Variants in FBXL19 observed in about 807,000 individuals in gnomAD.
FBXL19 encodes the protein F-box/LRR-repeat protein 19.
Under a neutral mutation model 71.2 loss-of-function variants are expected in FBXL19, and 16 were observed. That is an observed-to-expected ratio of 0.22 (90% CI 0.15 to 0.34). FBXL19 has a LOEUF of 0.34. Among genes scored for constraint, FBXL19 ranks in the 10% least tolerant of loss-of-function variants. The probability of loss-of-function intolerance (pLI) is 1.00; values close to 1 mark genes in which losing one functional copy is unlikely to be tolerated. For missense variants in FBXL19, 658 were observed against 968.2 expected (o/e 0.68, Z 4.25); for synonymous variants, 447 against 409.4 (o/e 1.09, Z -1.11).
Position 30,948,041 on chromosome 16 carries a change from G to A in FBXL19, c.*811G>A. 1.4e-5 allele frequency: 4 copies of A among 284,150 alleles called. No homozygotes were observed. The highest frequency in any genetic ancestry group is 1.1e-4 in the South Asian group (4 of 35,864). 17.6% of individuals were successfully genotyped at this position (284,150 alleles called of 1,614,324 possible). A position where few individuals can be genotyped will look rare whatever the true frequency, so the allele number is the denominator to read the frequency against. On this transcript the variant is annotated 3_prime_UTR_variant, in exon 11 of 11. Transcript: ENST00000338343. ...CTGTACTGAAGTGTTACTTGAACCG[G>A]GGGAATCTCGGACCTGGGGGAGCCG... is the stretch of plus-strand genomic sequence containing the variant.
chr16:30,928,486 G>A lies in FBXL19; in HGVS notation c.647G>A (p.Arg216Lys). The A allele has an allele frequency of 6.3e-7, 1 of 1,592,702 alleles. No individual in the cohort carries two copies. Among genetic ancestry groups the A allele is most frequent in the Non-Finnish European group, 8.6e-7 (1 of 1,169,456 alleles). Reference protein sequence around the residue: ...PRKKVKGGRERHLKKVGGDAC... With the variant: ...PRKKVKGGREKHLKKVGGDAC... ...TGGTAGGTGAAAGGAGGCCGAGAGA[G>A]GCACCTGAAGAAGGTGGGTGGAGAC... The change falls in exon 6 of 11, where the codon AGG becomes AAG. Residue 216 changes from arginine to lysine, a missense_variant. By Grantham distance (26) the Arg-to-Lys change is conservative. Coordinates refer to ENST00000338343, the MANE Select transcript of FBXL19 (RefSeq NM_001382779.1).
In FBXL19 at chr16:30,930,016, G is replaced by C. The variant is rs561099680; in HGVS notation, c.790-57G>C. ...ATCCCCTGGTGACTCCTCGGGGTAG[G>C]GGGGTGGGAAAATGTATCCCAGGCC... On this transcript the variant is annotated intron_variant, in intron 6 of 10. Transcript: ENST00000338343. This position sits in a 1 kb window ranked among gnomAD's most constrained non-coding sequence, Gnocchi z 8.5. 389 of 1,562,974 alleles carry C rather than the reference G, an allele frequency of 2.5e-4. No homozygotes were observed. The highest frequency in any genetic ancestry group is 1.8e-3 in the African/African-American group (137 of 74,058).
rs2055885385 is a variant in FBXL19 at position 30,948,186 on chromosome 16, G to T, written c.*956G>T. 3 of 161,050 alleles carry T rather than the reference G, an allele frequency of 1.9e-5. No homozygotes were observed. In the South Asian group the frequency reaches 4.0e-4, roughly 22 times the overall value. The allele number at this position is 161,050 out of a possible 1,614,324, so 10.0% of individuals were successfully genotyped here. A position where few individuals can be genotyped will look rare whatever the true frequency, so the allele number is the denominator to read the frequency against. On this transcript the variant is annotated 3_prime_UTR_variant, in exon 11 of 11. Coordinates refer to ENST00000338343, the MANE Select transcript of FBXL19 (RefSeq NM_001382779.1). ...TTTACTGTATTGAGCGGCGGCACCC[G>T]CCGGACCCGCATTATGGCTGGGGGC...
At chr16:30,924,638 G>T in intron 1 of FBXL19, 179 bp downstream of exon 1, 1 of 1,388,792 alleles carries the variant, frequency 7.2e-7, no homozygotes, top group Non-Finnish European at 9.3e-7. Flanking sequence ...CTCCTTCCTA[G>T]ACCCTGCTTC....
rs1183430210 is a variant in FBXL19 at position 30,927,846 on chromosome 16, G to C, written c.510G>C (p.Pro170=). 1 of 1,542,336 alleles carries C rather than the reference G, an allele frequency of 6.5e-7. No individual in the cohort carries two copies. The highest frequency in any genetic ancestry group is 2.4e-5 in the East Asian group (1 of 40,822). Residue 170 remains proline (P), a synonymous_variant, in exon 5 of 11, where the codon CCG becomes CCC. Coordinates refer to ENST00000338343, the MANE Select transcript of FBXL19 (RefSeq NM_001382779.1). ...TGACAGAGGAGCCACCGCTTCCACC[G>C]CCCCCGCCCAGGCGCAAGGGCCCCC... The part of the protein sequence containing the change: ...WKLTEEPPLP[P]PPPRRKGPLP...
intron 5 of FBXL19, among the ~76,000 whole-genome samples, 192 bp from the exon 6 acceptor site, chr16:30,928,275 G>A (rs1328520078): frequency 6.6e-6 from 1 of 152,056 alleles, no homozygotes; most frequent in Admixed American, 6.5e-5. Flanking sequence ...GGCCTGAGGG[G>A]AGGAAAGAGG....
chr16:30,928,515 T>C lies in FBXL19; in HGVS notation c.676T>C (p.Cys226Arg), dbSNP rs2055630492. The C allele has an allele frequency of 4.4e-6, 7 of 1,607,100 alleles. No homozygotes were observed. Among genetic ancestry groups the C allele is most frequent in the Non-Finnish European group, 5.9e-6 (7 of 1,176,490 alleles). ...RHLKKVGGDA[C>R]LLRGSDPGGP... ...CCTGAAGAAGGTGGGTGGAGACGCC[T>C]GCCTCCTCCGAGGATCGGACCCAGG... Residue 226 changes from cysteine (C) to arginine (R), a missense_variant, in exon 6 of 11, where the codon TGC (cysteine) becomes CGC (arginine). Coordinates refer to ENST00000338343, the MANE Select transcript of FBXL19 (RefSeq NM_001382779.1).
rs761889632 is a variant in FBXL19, at chr16:30,942,354, C to T, written c.1466-21C>T. 8.1e-6 allele frequency: 13 copies of T among 1,606,754 alleles called. No individual in the cohort carries two copies. The highest frequency in any genetic ancestry group is 6.7e-5 in the African/African-American group (5 of 74,810). Reference sequence around the variant, plus strand: ...ATGGAGTCCTCACAGCACCTGCTTCCTGACTGCCCCCTCTCCGCAGGCCTG... The same window carrying T: ...ATGGAGTCCTCACAGCACCTGCTTCTTGACTGCCCCCTCTCCGCAGGCCTG... On this transcript the variant is annotated intron_variant, in intron 8 of 10. Coordinates refer to ENST00000338343, the MANE Select transcript of FBXL19 (RefSeq NM_001382779.1). This position sits in a 1 kb window ranked among gnomAD's most constrained non-coding sequence, Gnocchi z 5.7.
At position 30,946,134 on chromosome 16, in the gene FBXL19, C is replaced by T. The variant is rs975075880; in HGVS notation, c.1628-596C>T. The stretch of plus-strand genomic sequence containing the variant: ...CACGTAGCTTTTACTCTTGATGGAA[C>T]GTGAAGGAATCGGCATGTCACATGG... On this transcript the variant is annotated intron_variant, in intron 9 of 10. Transcript: ENST00000338343. The surrounding 1 kb of genome is among the most constrained non-coding windows in gnomAD (Gnocchi z 6.7). Among the ~76,000 whole-genome samples the T allele has an allele frequency of 5.3e-5, 8 of 152,066 alleles. No individual in the cohort carries two copies. Among genetic ancestry groups the T allele is most frequent in the African/African-American group, 1.7e-4 (7 of 41,394 alleles).
rs936412561 is a variant in FBXL19, at chr16:30,947,344, A to C, written c.*114A>C. Reference sequence around the variant, plus strand: ...CACCACCCTGGGATTCCTGAGTGTCAGTGACTTGGGATTCCCACCCAGGGA... The same window carrying C: ...CACCACCCTGGGATTCCTGAGTGTCCGTGACTTGGGATTCCCACCCAGGGA... On this transcript the variant is annotated 3_prime_UTR_variant, in exon 11 of 11. Transcript: ENST00000338343. The C allele has an allele frequency of 3.1e-5, 29 of 922,744 alleles. No individual in the cohort carries two copies. Among genetic ancestry groups the C allele is most frequent in the Non-Finnish European group, 4.3e-5 (27 of 631,368 alleles). 57.2% of individuals were successfully genotyped at this position (922,744 alleles called of 1,614,324 possible). A position where few individuals can be genotyped will look rare whatever the true frequency, so the allele number is the denominator to read the frequency against.
Position 30,948,145 on chromosome 16 carries a change from C to G in FBXL19, c.*915C>G, listed in dbSNP as rs1168505529. On this transcript the variant is annotated 3_prime_UTR_variant, in exon 11 of 11. Transcript: ENST00000338343. ...GCGCCCATTTGGGACTGCGCCACCC[C>G]CAGGCTTGTTCTTGTTTTACTGTAT... 1.0e-4 allele frequency: 21 copies of G among 206,106 alleles called. 1 individual carries two copies. The highest frequency in any genetic ancestry group is 9.8e-4 in the Admixed American group (17 of 17,430). 12.8% of individuals were successfully genotyped at this position (206,106 alleles called of 1,614,324 possible). A position where few individuals can be genotyped will look rare whatever the true frequency, so the allele number is the denominator to read the frequency against.
At position 30,939,553 on chromosome 16, in the gene FBXL19, A is replaced by G. The variant is rs1271924667; in HGVS notation, c.1302-2563A>G. ...CTCAGCCTCCCGAGTATCTGGGACT[A>G]CAGGCGCCCTCCACCACGCCCAGCT... On this transcript the variant is annotated intron_variant, in intron 7 of 10. Transcript: ENST00000338343. 1.2e-4 allele frequency among the ~76,000 whole-genome samples: 18 copies of G among 150,628 alleles called. No individual in the cohort carries two copies. The Admixed American group carries it at 1.2e-3, about 10-fold the overall frequency.
At position 30,947,264 on chromosome 16, in the gene FBXL19, G is replaced by A; in HGVS notation, c.*34G>A. 1 of 1,507,504 alleles carries A rather than the reference G, an allele frequency of 6.6e-7. No individual in the cohort carries two copies. Among genetic ancestry groups the A allele is most frequent in the East Asian group, 2.3e-5 (1 of 42,890 alleles). 93.4% of individuals were successfully genotyped at this position (1,507,504 alleles called of 1,614,324 possible). A position where few individuals can be genotyped will look rare whatever the true frequency, so the allele number is the denominator to read the frequency against. ...CCCCCACCCTCCCCCGGACTCGACA[G>A]GAGCCTGGACCTCCGGCTTCATTTC... On this transcript the variant is annotated 3_prime_UTR_variant, in exon 11 of 11. Transcript: ENST00000338343.
chr16:30,931,893 ATT>A (rs34106190), intron 7 of FBXL19, among the ~76,000 whole-genome samples: 17 of 132,204 alleles, frequency 1.3e-4, no homozygotes, highest in Admixed American at 1.5e-4. Flanking sequence ...CACCCGGCTA[ATT>A]TTTTTTTTTT....
intron 2 of FBXL19, 105 bp downstream of exon 2, chr16:30,926,036 A>C: frequency 1.5e-6 from 2 of 1,333,228 alleles, no homozygotes; most frequent in Non-Finnish European, 1.9e-6. Context: ...CTGTTTGTTC[A>C]CTCGTTCATT....
At chr16:30,939,794 C>T (rs1346504976) in intron 7 of FBXL19, among the ~76,000 whole-genome samples, 4 of 152,050 alleles carry the variant, frequency 2.6e-5, no homozygotes, top group African/African-American at 7.2e-5. Flanking sequence ...ACAGCAAATA[C>T]TGGAGCTTGG....
Position 30,942,093 on chromosome 16 carries a change from T to C in FBXL19, c.1302-23T>C, listed in dbSNP as rs2055808468. The C allele has an allele frequency of 6.5e-7, 1 of 1,533,426 alleles. No homozygotes were observed. The allele number at this position is 1,533,426 out of a possible 1,614,324, so 95.0% of individuals were successfully genotyped here. A position where few individuals can be genotyped will look rare whatever the true frequency, so the allele number is the denominator to read the frequency against. ...GCTGAGAGCTGAGGGCTGAGGTCTC[T>C]GTCTCCCCCCTATGGCCGCCAGGTG... is the stretch of plus-strand genomic sequence containing the variant. On this transcript the variant is annotated intron_variant, in intron 7 of 10. Transcript: ENST00000338343. The surrounding 1 kb of genome is among the most constrained non-coding windows in gnomAD (Gnocchi z 5.7).
At chr16:30,933,920 T>C (rs978796716) in intron 7 of FBXL19, among the ~76,000 whole-genome samples, 3 of 151,958 alleles carry the variant, frequency 2.0e-5, no homozygotes, top group African/African-American at 7.2e-5. Context: ...GCCTGGCTAA[T>C]TTTGTATTTT....
At chr16:30,933,672 A>G (rs1267365904) in intron 7 of FBXL19, among the ~76,000 whole-genome samples, 1 of 150,520 alleles carries the variant, frequency 6.6e-6, no homozygotes, top group Non-Finnish European at 1.5e-5. Context: ...GCTGGTCTTG[A>G]ACTTCTGGCC....
Sources: gnomAD v4.1 joint callset for allele counts (sites outside exome capture counted in the v4.1 genomes callset) on GRCh38, gnomAD v4.1.1 for gene constraint, Gnocchi (gnomAD v3.1) non-coding constraint, MANE v1.5 for transcripts, NCBI Gene and HGNC (gene_info 2026-07-23, HGNC 2026-07-21) for gene names.